ZNF585B: variants seen among roughly 807,000 people sequenced by gnomAD.
ZNF585B encodes zinc finger protein 41-like protein.
Under a neutral mutation model 14.0 loss-of-function variants are expected in ZNF585B, and 7 were observed. The observed-to-expected ratio is 0.50, with a 90% CI of 0.28 to 0.94. The LOEUF (loss-of-function observed/expected upper bound fraction) is 0.94. Among genes scored for constraint, ZNF585B ranks in the 40% least tolerant of loss-of-function variants. The pLI is 0.09. For missense variants in ZNF585B, 750 were observed against 924.4 expected (o/e 0.81, Z 2.45); for synonymous variants, 290 against 317.3 (o/e 0.91, Z 0.91).
At chr19:37,195,935 A>AC (rs1972461556) in intron 2 of ZNF585B, 1 of 152,420 alleles carries the variant, frequency 6.6e-6, no homozygotes, top group Admixed American at 6.5e-5. Flanking sequence ...CTGAGGCAGG[A>AC]GAATCGCTTG....
intron 1 of ZNF585B, among the ~76,000 whole-genome samples, chr19:37,209,794 C>G (rs1972627635): frequency 6.7e-6 from 1 of 149,434 alleles, no homozygotes; most frequent in Non-Finnish European, 1.5e-5. Context: ...GGGCTCACCG[C>G]AAGCTCCGCC....
intron 2 of ZNF585B, among the ~76,000 whole-genome samples, chr19:37,204,915 A>G (rs1486910107): frequency 6.6e-6 from 1 of 151,178 alleles, no homozygotes; most frequent in African/African-American, 2.4e-5. Context: ...CCTGACAAAT[A>G]TTTTTTATTT....
intron 1 of ZNF585B, 67 bp from the exon 2 acceptor site, chr19:37,207,321 G>A: frequency 1.6e-6 from 2 of 1,247,258 alleles, no homozygotes; most frequent in Non-Finnish European, 2.1e-6. Flanking sequence ...ATACACCAAG[G>A]TGCAGGTCCC....
intron 2 of ZNF585B, among the ~76,000 whole-genome samples, chr19:37,203,479 C>A (rs371547367): frequency 0.024 from 2,757 of 114,310 alleles, no homozygotes; most frequent in African/African-American, 0.027. Context: ...GATCTTGTCA[C>A]AAAAAAAAAA....
intron 2 of ZNF585B, among the ~76,000 whole-genome samples, chr19:37,191,758 GC>G (rs1257130930): frequency 1.3e-5 from 2 of 152,082 alleles, no homozygotes; most frequent in East Asian, 3.9e-4. Context: ...TCTTGGCTGG[GC>G]CCGGTGGCTC....
Position 37,187,067 on chromosome 19 carries a change from A to G in ZNF585B, c.470T>C (p.Leu157Pro). 6.2e-7 allele frequency: 1 copy of G among 1,613,666 alleles called. No homozygotes were observed. The highest frequency in any genetic ancestry group is 1.1e-5 in the South Asian group (1 of 90,928). Residue 157 changes from leucine to proline, a missense_variant, in exon 5 of 5, where the codon CTC (leucine) becomes CCC (proline). Leu to Pro is a moderately conservative substitution (Grantham distance 98). Transcript: ENST00000532828. The part of the protein sequence containing the change: ...VHLKVPTGEK[L>P]YVCIECGRAF... ...CCTCCCACATTCAATACATACATAG[A>G]GTTTTTCTCCTGTAGGAACTTTCAG... is the stretch of plus-strand genomic sequence containing the variant.
intron 1 of ZNF585B, 42 bp from the exon 2 acceptor site, chr19:37,207,296 A>G: frequency 1.4e-6 from 2 of 1,381,704 alleles, no homozygotes; most frequent in Non-Finnish European, 1.9e-6. Flanking sequence ...CATTCACTAC[A>G]TAAACACTTC....
chr19:37,208,320 T>C (rs577496768), intron 1 of ZNF585B, among the ~76,000 whole-genome samples: 2 of 152,278 alleles, frequency 1.3e-5, no homozygotes, highest in South Asian at 2.1e-4. Flanking sequence ...AACATTTAAA[T>C]ACATGCATTT....
rs1056354685 is a variant in ZNF585B, at chr19:37,195,273, G to A, written c.73-5123C>T. 2.0e-5 allele frequency among the ~76,000 whole-genome samples: 3 copies of A among 146,476 alleles called. No homozygotes were observed. In the Admixed American group the frequency reaches 2.1e-4, roughly 10 times the overall value. ...AGGCAGGAGAATCACTGGAACCCGG[G>A]AGGAGGAGGTTGCAGTGAGCCGAGA... On this transcript the variant is annotated intron_variant, in intron 2 of 4. Coordinates refer to ENST00000532828, the MANE Select transcript of ZNF585B (RefSeq NM_152279.4).
intron 2 of ZNF585B, among the ~76,000 whole-genome samples, chr19:37,206,308 G>A (rs944197797): frequency 7.9e-5 from 12 of 151,630 alleles, no homozygotes; most frequent in African/African-American, 2.2e-4. Flanking sequence ...AAAATTAGCC[G>A]AACGAGGTGG....
At chr19:37,209,545 A>T (rs1972623533) in intron 1 of ZNF585B, among the ~76,000 whole-genome samples, 1 of 152,174 alleles carries the variant, frequency 6.6e-6, no homozygotes. Flanking sequence ...CTGTGAGGAG[A>T]TACATAATAT....
intron 4 of ZNF585B, among the ~76,000 whole-genome samples, chr19:37,187,698 C>A (rs1435841801): frequency 6.6e-6 from 1 of 151,932 alleles, no homozygotes; most frequent in Non-Finnish European, 1.5e-5. Context: ...TAATAAGTCA[C>A]TTTTTGCTTA....
Position 37,185,891 on chromosome 19 carries a change from T to C in ZNF585B, c.1646A>G (p.Gln549Arg), listed in dbSNP as rs748660054. The C allele has an allele frequency of 8.7e-6, 14 of 1,613,734 alleles. No individual in the cohort carries two copies. Among genetic ancestry groups the C allele is most frequent in the Non-Finnish European group, 8.5e-7 (1 of 1,179,976 alleles). ...TTTCCCACATTCGTGGCATTCATAC[T>C]GTCTCTCTCCAGTGTGAATTTTCTG... ...IHQKIHTGER[Q>R]YECHECGKAF... is the part of the protein sequence containing the mutation. The change falls in exon 5 of 5, where the codon CAG becomes CGG. Residue 549 changes from glutamine to arginine, a missense_variant. Coordinates refer to ENST00000532828, the MANE Select transcript of ZNF585B (RefSeq NM_152279.4).
chr19:37,200,661 CTAAT>C (rs1335054113), intron 2 of ZNF585B, among the ~76,000 whole-genome samples: 1 of 151,120 alleles, frequency 6.6e-6, no homozygotes, highest in African/African-American at 2.4e-5. Flanking sequence ...ATAAAAACAT[CTAAT>C]TAAAAAATCC....
rs1221896974 is a variant in ZNF585B, at chr19:37,184,490, A to AAG, written c.*735_*736dup. On this transcript the variant is annotated 3_prime_UTR_variant, in exon 5 of 5. Transcript: ENST00000532828. ...AAAGAAAGAAAGAAAGAAAGAAAGAAAGAAAGAAAGAAAGAGAAAGAAAGA... is the reference window on the plus strand; with the variant it reads ...AAAGAAAGAAAGAAAGAAAGAAAGAAAGAGAAAGAAAGAAAGAGAAAGAAAGA... 9.0e-6 allele frequency: 1 copy of AAG among 111,380 alleles called. No individual in the cohort carries two copies. The allele number at this position is 111,380 out of a possible 1,614,324, so 6.9% of individuals were successfully genotyped here.
intron 2 of ZNF585B, among the ~76,000 whole-genome samples, chr19:37,195,143 G>A (rs558816074): frequency 9.3e-5 from 14 of 151,246 alleles, no homozygotes; most frequent in African/African-American, 3.2e-4. Context: ...TCAGGAGTTC[G>A]AGACCAGTCT....
At chr19:37,205,191 G>A (rs564871415) in intron 2 of ZNF585B, among the ~76,000 whole-genome samples, 3 of 152,010 alleles carry the variant, frequency 2.0e-5, no homozygotes, top group Non-Finnish European at 4.4e-5. Context: ...GTGAACGACC[G>A]TGCCCAGCCA....
intron 2 of ZNF585B, among the ~76,000 whole-genome samples, chr19:37,193,211 C>T (rs931405443): frequency 6.6e-6 from 1 of 152,022 alleles, no homozygotes; most frequent in Non-Finnish European, 1.5e-5. Flanking sequence ...GTGGCTCACA[C>T]CTGTAATCCC....
rs780501161 is a variant in ZNF585B, at chr19:37,186,997, A to G, written c.540T>C (p.His180=). The change falls in exon 5 of 5, where the codon CAT becomes CAC. Residue 180 remains histidine (H), a synonymous_variant. Coordinates refer to ENST00000532828, the MANE Select transcript of ZNF585B (RefSeq NM_152279.4). ...TGCACTTATAGGGCTTCTCTCTCAT[A>G]TGGGTTTTCTGATGTGTGATGAATT... ...KPEFITHQKT[H]MREKPYKCNE... 1.2e-5 allele frequency: 20 copies of G among 1,613,432 alleles called. No homozygotes were observed. Among genetic ancestry groups the G allele is most frequent in the Middle Eastern group, 3.3e-4 (2 of 6,072 alleles).
Sources: gnomAD v4.1 joint callset for allele counts (sites outside exome capture counted in the v4.1 genomes callset) on GRCh38, gnomAD v4.1.1 for gene constraint, MANE v1.5 for transcripts, NCBI Gene and HGNC (gene_info 2026-07-23, HGNC 2026-07-21) for gene names.